DENND6A: variants seen among roughly 807,000 people sequenced by gnomAD.
DENND6A encodes protein DENND6A.
Under a neutral mutation model 95.5 loss-of-function variants are expected in DENND6A, and 43 were observed. The ratio of observed to expected loss-of-function variants is 0.45; its 90% confidence interval spans 0.35 to 0.58. The LOEUF (loss-of-function observed/expected upper bound fraction) is 0.58, where lower values mean the gene tolerates loss of function less well. Ranked by LOEUF, DENND6A falls within the 20% of genes least tolerant of loss-of-function variation. The probability of loss-of-function intolerance (pLI) is 0.00; values close to 1 mark genes in which losing one functional copy is unlikely to be tolerated. For synonymous variants in DENND6A, 257 were observed against 260.4 expected (o/e 0.99, Z 0.13); for missense variants, 574 against 736.0 (o/e 0.78, Z 2.55).
chr3:57,634,675 T>C (rs770672211), intron 13 of DENND6A, 29 bp downstream of exon 13: 6 of 1,504,240 alleles, frequency 4.0e-6, no homozygotes, highest in Non-Finnish European at 5.3e-6. Context: ...CATATAAATA[T>C]ATATTTAAAA....
chr3:57,692,775 G>T lies in DENND6A; in HGVS notation c.237+7C>A. 6.7e-7 allele frequency: 1 copy of T among 1,501,722 alleles called. No individual in the cohort carries two copies. The highest frequency in any genetic ancestry group is 8.8e-7 in the Non-Finnish European group (1 of 1,130,990). The allele number at this position is 1,501,722 out of a possible 1,614,324, so 93.0% of individuals were successfully genotyped here. A position where few individuals can be genotyped will look rare whatever the true frequency, so the allele number is the denominator to read the frequency against. ...GAGCGCCGAGAAAGGGCGGGGCCGG[G>T]CCTCACCTCCACGGCCTGGCCCAGC... On this transcript the variant is annotated splice_region_variant and intron_variant, in intron 1 of 19. Coordinates refer to ENST00000311128, the MANE Select transcript of DENND6A (RefSeq NM_152678.3).
At chr3:57,664,020 A>C (rs867505089) in intron 4 of DENND6A, among the ~76,000 whole-genome samples, 6 of 125,304 alleles carry the variant, frequency 4.8e-5, no homozygotes, top group Middle Eastern at 4.6e-3. Context: ...ATTACAATCT[A>C]AGTACTAAAG....
chr3:57,633,131 G>T, intron 15 of DENND6A, 134 bp downstream of exon 15: 6 of 733,238 alleles, frequency 8.2e-6, no homozygotes, highest in Non-Finnish European at 9.0e-6. Context: ...TTGCAAAGGG[G>T]TTTATTTTTA....
chr3:57,671,486 C>T (rs924276541), intron 3 of DENND6A, among the ~76,000 whole-genome samples: 29 of 151,026 alleles, frequency 1.9e-4, no homozygotes, highest in East Asian at 5.8e-4. Flanking sequence ...GCTGAGATCG[C>T]GTCACTGCAC....
At chr3:57,665,199 A>G (rs2071507829) in intron 4 of DENND6A, among the ~76,000 whole-genome samples, 1 of 152,198 alleles carries the variant, frequency 6.6e-6, no homozygotes, top group African/African-American at 2.4e-5. Flanking sequence ...AGGAAGTAGT[A>G]CTATACCTCT....
rs2070509139 is a variant in DENND6A, at chr3:57,625,468, A to C, written c.*2746T>G. 1 of 152,634 alleles carries C rather than the reference A, an allele frequency of 6.6e-6. No homozygotes were observed. Among genetic ancestry groups the C allele is most frequent in the Admixed American group, 6.5e-5 (1 of 15,274 alleles). 9.5% of individuals were successfully genotyped at this position (152,634 alleles called of 1,614,324 possible). ...AAATATCCAAGTGCTTTAAAATCCA[A>C]GGCCTTTAATTTAGTTTTTGGTAAT... is the stretch of plus-strand genomic sequence containing the variant. On this transcript the variant is annotated 3_prime_UTR_variant, in exon 20 of 20. Transcript: ENST00000311128.
chr3:57,658,940 A>G (rs757775000), intron 8 of DENND6A, among the ~76,000 whole-genome samples, 178 bp downstream of exon 8: 1 of 152,196 alleles, frequency 6.6e-6, no homozygotes, highest in Non-Finnish European at 1.5e-5. Flanking sequence ...AACAAGAAAA[A>G]AGACCCTAAG....
chr3:57,628,381 C>T, intron 19 of DENND6A, 36 bp from the exon 20 acceptor site: 2 of 1,603,944 alleles, frequency 1.2e-6, no homozygotes, highest in Non-Finnish European at 8.5e-7. Flanking sequence ...TTAAATTATC[C>T]TCAGAATCTG....
At chr3:57,638,128 C>T (rs2070839807) in intron 12 of DENND6A, among the ~76,000 whole-genome samples, 1 of 151,410 alleles carries the variant, frequency 6.6e-6, no homozygotes, top group African/African-American at 2.4e-5. Flanking sequence ...ACCAAGACTC[C>T]ATCTCAAAAA....
intron 4 of DENND6A, among the ~76,000 whole-genome samples, chr3:57,665,142 CTTTGA>C (rs2071506676): frequency 6.6e-6 from 1 of 151,742 alleles, no homozygotes. Flanking sequence ...GAGGGTGAAA[CTTTGA>C]TGATGAAGTT....
At position 57,631,051 on chromosome 3, in the gene DENND6A, G is replaced by C. The variant is rs570683356; in HGVS notation, c.1354-73C>G. On this transcript the variant is annotated intron_variant, in intron 15 of 19. Transcript: ENST00000311128. ...TAAACAGACCTACTTAAAAGGAATGGGTCTTTTAAGTTTTTAATCATATGC... is the reference window on the plus strand; with the variant it reads ...TAAACAGACCTACTTAAAAGGAATGCGTCTTTTAAGTTTTTAATCATATGC... 59 of 1,420,626 alleles carry C rather than the reference G, an allele frequency of 4.2e-5. 1 individual carries two copies. In the South Asian group the frequency reaches 6.8e-4, roughly 16 times the overall value. The allele number at this position is 1,420,626 out of a possible 1,614,324, so 88.0% of individuals were successfully genotyped here.
intron 12 of DENND6A, among the ~76,000 whole-genome samples, chr3:57,636,375 C>T (rs1359210586): frequency 1.3e-5 from 2 of 152,182 alleles, no homozygotes; most frequent in Non-Finnish European, 2.9e-5. Flanking sequence ...CATGGATACA[C>T]AGACTTATTT....
rs1025907319 is a variant in DENND6A, at chr3:57,625,546, G to C, written c.*2668C>G. 10 of 152,376 alleles carry C rather than the reference G, an allele frequency of 6.6e-5. No individual in the cohort carries two copies. Among genetic ancestry groups the C allele is most frequent in the African/African-American group, 2.4e-4 (10 of 41,324 alleles). 9.4% of individuals were successfully genotyped at this position (152,376 alleles called of 1,614,324 possible). ...TTTTCACTGTAAATAGAAGGCACTA[G>C]GCATTACATAATACCCTTAAAGCAG... On this transcript the variant is annotated 3_prime_UTR_variant, in exon 20 of 20. Coordinates refer to ENST00000311128, the MANE Select transcript of DENND6A (RefSeq NM_152678.3).
intron 1 of DENND6A, among the ~76,000 whole-genome samples, chr3:57,689,596 G>C (rs751306983): frequency 6.6e-6 from 1 of 152,120 alleles, no homozygotes; most frequent in Non-Finnish European, 1.5e-5. Context: ...GGCCTTAAAA[G>C]ACATTTTATG....
intron 12 of DENND6A, among the ~76,000 whole-genome samples, chr3:57,636,668 G>A (rs1214692037): frequency 1.3e-5 from 2 of 152,170 alleles, no homozygotes; most frequent in African/African-American, 4.8e-5. Context: ...CGGGCGTGGT[G>A]GCTCACGCCT....
At chr3:57,649,593 A>C (rs148655748) in intron 9 of DENND6A, among the ~76,000 whole-genome samples, 20 of 152,130 alleles carry the variant, frequency 1.3e-4, no homozygotes, top group African/African-American at 3.6e-4. Context: ...AATTGCAAAA[A>C]TATGGAACAA....
chr3:57,655,787 CA>C (rs1190967215), intron 9 of DENND6A, among the ~76,000 whole-genome samples: 1 of 152,046 alleles, frequency 6.6e-6, no homozygotes, highest in Non-Finnish European at 1.5e-5. Flanking sequence ...TGATTCTGAC[CA>C]TTTCAGATAT....
At chr3:57,666,052 A>G (rs527440149) in intron 4 of DENND6A, 71 bp downstream of exon 4, 4 of 1,255,618 alleles carry the variant, frequency 3.2e-6, no homozygotes, top group Non-Finnish European at 4.6e-6. Flanking sequence ...GAATGGTGTC[A>G]GCGGTAACTG....
chr3:57,642,417 C>T (rs984526575), intron 11 of DENND6A, among the ~76,000 whole-genome samples: 4 of 150,832 alleles, frequency 2.7e-5, no homozygotes, highest in Admixed American at 2.6e-4. Flanking sequence ...TACAGGAAGA[C>T]GTGAAAGATG....
Sources: allele counts gnomAD v4.1 joint callset (sites outside exome capture counted in the v4.1 genomes callset), GRCh38; gene constraint gnomAD v4.1.1; transcripts MANE v1.5; gene names NCBI Gene and HGNC (gene_info 2026-07-23, HGNC 2026-07-21).